Variants in PTCRA observed in about 807,000 individuals in gnomAD.
The protein encoded by PTCRA is pre T-cell antigen receptor alpha.
A neutral mutation model predicts 13.4 loss-of-function variants in PTCRA; 9 were observed. That is an observed-to-expected ratio of 0.67 (90% CI 0.41 to 1.18). The LOEUF is 1.18. Among genes scored for constraint, PTCRA ranks in the 50% most tolerant of loss-of-function variants. The pLI, the probability that PTCRA is intolerant of heterozygous loss-of-function variation, is 0.01. For synonymous variants in PTCRA, 153 were observed against 161.9 expected, an observed-to-expected ratio of 0.94 and a Z score of 0.42; for missense variants, 353 against 359.8, an observed-to-expected ratio of 0.98 and a Z score of 0.15.
chr6:42,925,093 T>G lies in PTCRA; in HGVS notation c.425-168T>G. The G allele has an allele frequency of 2.4e-6, 2 of 837,444 alleles. No homozygotes were observed. The highest frequency in any genetic ancestry group is 3.6e-6 in the Non-Finnish European group (2 of 555,690). 51.9% of individuals were successfully genotyped at this position (837,444 alleles called of 1,614,324 possible). ...TAAAATAAAATGAAGGCCAGGAAGG[T>G]ATGTATTATTACCAGTAAGAACGGA... On this transcript the variant is annotated intron_variant, in intron 3 of 3. Coordinates refer to ENST00000304672, the MANE Select transcript of PTCRA (RefSeq NM_138296.3). This position sits in a 1 kb window ranked among gnomAD's most constrained non-coding sequence, Gnocchi z 4.4.
At chr6:42,919,446 G>A (rs1353346235) in intron 1 of PTCRA, among the ~76,000 whole-genome samples, 1 of 152,082 alleles carries the variant, frequency 6.6e-6, no homozygotes, top group Admixed American at 6.5e-5. Flanking sequence ...GGACAAAGTG[G>A]CTCATGCCTA....
At chr6:42,920,627 G>A (rs1014624837) in intron 1 of PTCRA, among the ~76,000 whole-genome samples, 18 of 151,674 alleles carry the variant, frequency 1.2e-4, no homozygotes, top group Non-Finnish European at 2.4e-4. Context: ...GGGTTTCACC[G>A]TGTTAGCCAG....
intron 1 of PTCRA, among the ~76,000 whole-genome samples, chr6:42,919,885 T>C: frequency 7.8e-6 from 1 of 128,802 alleles, no homozygotes; most frequent in Non-Finnish European, 1.7e-5. Context: ...TCTCTACAGG[T>C]ATTTTAAAAA....
intron 1 of PTCRA, among the ~76,000 whole-genome samples, chr6:42,916,947 G>T (rs1766899038): frequency 6.6e-6 from 1 of 152,146 alleles, no homozygotes; most frequent in Non-Finnish European, 1.5e-5. Flanking sequence ...ACAATCCTGG[G>T]ATGCTTCATG....
intron 2 of PTCRA, among the ~76,000 whole-genome samples, chr6:42,923,763 A>G (rs927582800): frequency 1.3e-5 from 2 of 152,110 alleles, no homozygotes; most frequent in Non-Finnish European, 2.9e-5. Context: ...AATTCCCTCA[A>G]TTTTACAGGC....
At position 42,925,154 on chromosome 6, in the gene PTCRA, G is replaced by GGGTGAA. The variant is rs1393864699; in HGVS notation, c.425-104_425-99dup. The GGGTGAA allele has an allele frequency of 2.1e-6, 3 of 1,417,088 alleles. No individual in the cohort carries two copies. In the Admixed American group the frequency reaches 7.0e-5, roughly 33 times the overall value. 87.8% of individuals were successfully genotyped at this position (1,417,088 alleles called of 1,614,324 possible). A position where few individuals can be genotyped will look rare whatever the true frequency, so the allele number is the denominator to read the frequency against. On this transcript the variant is annotated intron_variant, in intron 3 of 3. Transcript: ENST00000304672. The surrounding 1 kb of genome is among the most constrained non-coding windows in gnomAD (Gnocchi z 4.4). ...CGGGAAGGACTTTCCCTGGAGGAGG[G>GGGTGAA]GGTGAAGGGGACGGGCAAGGGCAGA...
intron 1 of PTCRA, among the ~76,000 whole-genome samples, chr6:42,919,274 G>A (rs930358377): frequency 6.6e-6 from 1 of 152,092 alleles, no homozygotes; most frequent in African/African-American, 2.4e-5. Flanking sequence ...GAATAAAAGC[G>A]TGAGCCACCA....
In PTCRA at chr6:42,920,793, G is replaced by T. The variant is rs904495585; in HGVS notation, c.59-2234G>T. ...AAATGGGTGAATTGTCTGGTATGTG[G>T]ACTATATCTAAACAAAGCTTTTTTT... On this transcript the variant is annotated intron_variant, in intron 1 of 3. Transcript: ENST00000304672. 4.1e-5 allele frequency among the ~76,000 whole-genome samples: 6 copies of T among 147,056 alleles called. No individual in the cohort carries two copies. In the Admixed American group the frequency reaches 4.1e-4, roughly 10 times the overall value.
chr6:42,924,850 A>G (rs533264942), intron 3 of PTCRA, among the ~76,000 whole-genome samples: 22 of 152,194 alleles, frequency 1.4e-4, no homozygotes, highest in Middle Eastern at 3.4e-3. Flanking sequence ...ACACGCCTGT[A>G]GTCCCAGCTA....
At position 42,925,369 on chromosome 6, in the gene PTCRA, C is replaced by T. The variant is rs367893841; in HGVS notation, c.533C>T (p.Pro178Leu). ...TCSCLCDPAG[P>L]LPSPATTTRL... ...AGCTGCCTGTGCGACCCCGCGGGCC[C>T]GCTGCCTTCCCCCGCAACCACCACC... is the stretch of plus-strand genomic sequence containing the variant. The change falls in exon 4 of 4, where the codon CCG (proline) becomes CTG (leucine). Residue 178 changes from proline (P) to leucine (L), a missense_variant. By Grantham distance (98) the Pro-to-Leu change is moderately conservative. Coordinates refer to ENST00000304672, the MANE Select transcript of PTCRA (RefSeq NM_138296.3). This position sits in a 1 kb window ranked among gnomAD's most constrained non-coding sequence, Gnocchi z 4.4. 110 of 1,556,088 alleles carry T rather than the reference C, an allele frequency of 7.1e-5. No homozygotes were observed. The highest frequency in any genetic ancestry group is 9.0e-5 in the Non-Finnish European group (104 of 1,150,632).
intron 1 of PTCRA, among the ~76,000 whole-genome samples, chr6:42,919,756 A>C: frequency 1.3e-5 from 2 of 150,782 alleles, no homozygotes. Flanking sequence ...CAAAAATAAC[A>C]TTCTGGGCCA....
Position 42,916,083 on chromosome 6 carries a change from G to A in PTCRA, c.14G>A (p.Trp5Ter). ...TCCGAGTGGGCCATGGCCGGTACAT[G>A]GCTGCTACTTCTCCTGGCCCTTGGG... MAGT[W>*]LLLLLALGCP... Residue 5 changes from tryptophan (W) to a stop codon, truncating the protein, a stop_gained, in exon 1 of 4, where the codon TGG (tryptophan) becomes TAG (stop). Coordinates refer to ENST00000304672, the MANE Select transcript of PTCRA (RefSeq NM_138296.3). LOFTEE classifies it high-confidence loss of function. 1.2e-6 allele frequency: 2 copies of A among 1,614,070 alleles called. No homozygotes were observed. Among genetic ancestry groups the A allele is most frequent in the Non-Finnish European group, 1.7e-6 (2 of 1,179,936 alleles).
intron 1 of PTCRA, among the ~76,000 whole-genome samples, chr6:42,916,507 T>A (rs1766884023): frequency 6.6e-6 from 1 of 152,194 alleles, no homozygotes; most frequent in South Asian, 2.1e-4. Flanking sequence ...TATGCAATGA[T>A]GTCATATGGG....
At chr6:42,917,018 CTGGAGGT>C (rs1008727526) in intron 1 of PTCRA, among the ~76,000 whole-genome samples, 3 of 152,064 alleles carry the variant, frequency 2.0e-5, no homozygotes, top group African/African-American at 7.2e-5. Context: ...TGAAAAGGCT[CTGGAGGT>C]TGAGTCCTGG....
chr6:42,922,978 G>A (rs771433723), intron 1 of PTCRA, 49 bp from the exon 2 acceptor site: 6 of 1,554,338 alleles, frequency 3.9e-6, no homozygotes, highest in Middle Eastern at 1.7e-4. Flanking sequence ...ATGCTGGCCT[G>A]GGAGGCCAAA....
chr6:42,923,053 C>G lies in PTCRA; in HGVS notation c.85C>G (p.Leu29Val), dbSNP rs753748329. Residue 29 changes from leucine (L) to valine (V), a missense_variant, in exon 2 of 4, where the codon CTG becomes GTG. Physicochemically the swap from Leu to Val is conservative, Grantham distance 32. Transcript: ENST00000304672. Reference sequence around the variant, plus strand: ...TGTGGGCGGCACACCCTTTCCTTCTCTGGCCCCACCAATCATGCTGCTGGT... The same window carrying G: ...TGTGGGCGGCACACCCTTTCCTTCTGTGGCCCCACCAATCATGCTGCTGGT... ...TGVGGTPFPS[L>V]APPIMLLVDG... The G allele has an allele frequency of 6.2e-7, 1 of 1,614,248 alleles. No homozygotes were observed. The highest frequency in any genetic ancestry group is 2.2e-5 in the East Asian group (1 of 44,886).
At chr6:42,917,682 T>G (rs1290973839) in intron 1 of PTCRA, among the ~76,000 whole-genome samples, 1 of 151,022 alleles carries the variant, frequency 6.6e-6, no homozygotes, top group Non-Finnish European at 1.5e-5. Flanking sequence ...CCCAAGTAGC[T>G]GGGATTACAG....
intron 1 of PTCRA, among the ~76,000 whole-genome samples, chr6:42,917,526 A>ATATTATTATTAT (rs71547824): frequency 1.6e-3 from 211 of 131,716 alleles, no homozygotes; most frequent in Middle Eastern, 7.8e-3. Context: ...CCAGCCCGTT[A>ATATTATTATTAT]TATTATTATT....
In PTCRA at chr6:42,916,205, G is replaced by A; in HGVS notation, c.58+78G>A. 2.9e-6 allele frequency: 4 copies of A among 1,370,554 alleles called. No homozygotes were observed. In the East Asian group the frequency reaches 6.9e-5, roughly 24 times the overall value. 84.9% of individuals were successfully genotyped at this position (1,370,554 alleles called of 1,614,324 possible). ...ATCCCCTCACTCTGGACCTCCCTGG[G>A]TACTGATGGGCTGCAGGGAGGCAGG... On this transcript the variant is annotated intron_variant, in intron 1 of 3. Transcript: ENST00000304672.
Sources: gnomAD v4.1 joint callset for allele counts (sites outside exome capture counted in the v4.1 genomes callset) on GRCh38, gnomAD v4.1.1 for gene constraint, Gnocchi (gnomAD v3.1) non-coding constraint, MANE v1.5 for transcripts, NCBI Gene and HGNC (gene_info 2026-07-23, HGNC 2026-07-21) for gene names.